Variants in WSCD1 observed in about 807,000 individuals in gnomAD.
WSCD1 encodes the protein WSC domain sialate O sulfotransferase 1.
A neutral mutation model predicts 60.4 loss-of-function variants in WSCD1; 41 were observed. That is an observed-to-expected ratio of 0.68 (90% CI 0.53 to 0.88). The LOEUF (loss-of-function observed/expected upper bound fraction) is 0.88, where lower values mean the gene tolerates loss of function less well. Ranked by LOEUF, WSCD1 falls within the 40% of genes least tolerant of loss-of-function variation. The pLI is 0.00. For missense variants in WSCD1, 784 were observed against 796.2 expected, an observed-to-expected ratio of 0.98 and a Z score of 0.18; for synonymous variants, 361 against 332.5, an observed-to-expected ratio of 1.09 and a Z score of -0.93.
intron 4 of WSCD1, 132 bp downstream of exon 4, chr17:6,090,637 C>T (rs1909973449): frequency 1.6e-6 from 2 of 1,268,404 alleles, no homozygotes; most frequent in South Asian, 1.5e-5. Context: ...TTCCCTATTG[C>T]CATCACTGGA....
intron 4 of WSCD1, among the ~76,000 whole-genome samples, chr17:6,092,853 A>G (rs1910148332): frequency 6.6e-6 from 1 of 152,108 alleles, no homozygotes; most frequent in Admixed American, 6.5e-5. Flanking sequence ...ACTTGCTGTC[A>G]TGGTTAGTGT....
rs1904873795 is a variant in WSCD1 at position 6,124,133 on chromosome 17, A to C, written c.*3472A>C. 6.6e-6 allele frequency: 1 copy of C among 152,236 alleles called. No individual in the cohort carries two copies. The highest frequency in any genetic ancestry group is 2.1e-4 in the South Asian group (1 of 4,832). The allele number at this position is 152,236 out of a possible 1,614,324, so 9.4% of individuals were successfully genotyped here. On this transcript the variant is annotated 3_prime_UTR_variant, in exon 9 of 9. Transcript: ENST00000317744. Reference sequence around the variant, plus strand: ...TATGATCTTGTGAGTTAAGACAATGAAGCCAGAGGGAATTTCAAGACTTAT... The same window carrying C: ...TATGATCTTGTGAGTTAAGACAATGCAGCCAGAGGGAATTTCAAGACTTAT...
chr17:6,120,631 G>T lies in WSCD1; in HGVS notation c.1698G>T (p.Thr566=), dbSNP rs554473306. 2 of 1,612,998 alleles carry T rather than the reference G, an allele frequency of 1.2e-6. No individual in the cohort carries two copies. Among genetic ancestry groups the T allele is most frequent in the African/African-American group, 2.7e-5 (2 of 75,066 alleles). The part of the protein sequence containing the change: ...VDQALRDHNW[T]GLPREYVPR ...AAGCCCTGCGTGACCACAACTGGAC[G>T]GGGCTGCCCAGGGAGTATGTGCCCA... Residue 566 remains threonine (T), a synonymous_variant, in exon 9 of 9, where the codon ACG becomes ACT. Transcript: ENST00000317744.
chr17:6,095,127 C>G lies in WSCD1; in HGVS notation c.753C>G (p.Cys251Trp). 1 of 1,613,488 alleles carries G rather than the reference C, an allele frequency of 6.2e-7. No individual in the cohort carries two copies. The highest frequency in any genetic ancestry group is 8.5e-7 in the Non-Finnish European group (1 of 1,179,724). ...RKRRTATYRG[C>W]FRLPENITHA... Reference sequence around the variant, plus strand: ...GGCGGACCGCCACCTACCGCGGATGCTTCCGACTGCCAGAGAACATCACAC... The same window carrying G: ...GGCGGACCGCCACCTACCGCGGATGGTTCCGACTGCCAGAGAACATCACAC... The change falls in exon 5 of 9, where the codon TGC becomes TGG. Residue 251 changes from cysteine to tryptophan, a missense_variant. By Grantham distance (215) the Cys-to-Trp change is radical. Coordinates refer to ENST00000317744, the MANE Select transcript of WSCD1 (RefSeq NM_015253.2).
chr17:6,081,179 C>A, intron 2 of WSCD1, 94 bp downstream of exon 2: 1 of 1,356,958 alleles, frequency 7.4e-7, no homozygotes, highest in Non-Finnish European at 9.8e-7. Flanking sequence ...AGGCCTGTGG[C>A]CTTCACCGCT....
intron 1 of WSCD1, among the ~76,000 whole-genome samples, chr17:6,076,823 G>A (rs1203265346): frequency 6.6e-6 from 1 of 152,178 alleles, no homozygotes; most frequent in Non-Finnish European, 1.5e-5. Context: ...CTTACCTCGT[G>A]GCTTGGCTGT....
intron 2 of WSCD1, among the ~76,000 whole-genome samples, chr17:6,083,839 C>T (rs1323069445): frequency 6.6e-6 from 1 of 152,056 alleles, no homozygotes; most frequent in Non-Finnish European, 1.5e-5. Context: ...GGGGAGGGCT[C>T]AGCCCTGACT....
chr17:6,074,924 G>A (rs1036852059), intron 1 of WSCD1, among the ~76,000 whole-genome samples: 5 of 152,086 alleles, frequency 3.3e-5, no homozygotes, highest in African/African-American at 7.2e-5. Flanking sequence ...GAAGCCAGGC[G>A]CTATGCCTGA....
intron 4 of WSCD1, among the ~76,000 whole-genome samples, chr17:6,092,667 C>T (rs1201501779): frequency 3.9e-5 from 6 of 152,212 alleles, no homozygotes; most frequent in Non-Finnish European, 7.3e-5. Context: ...TTTCAAACAA[C>T]ATTCCTGCCC....
intron 3 of WSCD1, among the ~76,000 whole-genome samples, chr17:6,089,593 C>G (rs1285908395): frequency 1.3e-5 from 2 of 152,176 alleles, no homozygotes; most frequent in Non-Finnish European, 2.9e-5. Flanking sequence ...CGGCCGCTCA[C>G]CATGGGAAGC....
chr17:6,116,912 G>A (rs372877465), intron 7 of WSCD1, among the ~76,000 whole-genome samples: 1 of 152,158 alleles, frequency 6.6e-6, no homozygotes, highest in African/African-American at 2.4e-5. Context: ...GGCTACATTG[G>A]GTGTGGCCAG....
chr17:6,109,854 G>A, intron 6 of WSCD1, 88 bp downstream of exon 6: 4 of 1,529,980 alleles, frequency 2.6e-6, no homozygotes, highest in South Asian at 1.2e-5. Context: ...TCATGGCCAA[G>A]CATGCAGTTA....
rs1337964386 is a variant in WSCD1 at position 6,123,217 on chromosome 17, C to G, written c.*2556C>G. On this transcript the variant is annotated 3_prime_UTR_variant, in exon 9 of 9. Coordinates refer to ENST00000317744, the MANE Select transcript of WSCD1 (RefSeq NM_015253.2). ...GCATCAGGAACCGGTTAGAACAGAA[C>G]AGAGAAACCCTGACTGTCTACAGAT... 3 of 152,188 alleles carry G rather than the reference C, an allele frequency of 2.0e-5. No homozygotes were observed. The highest frequency in any genetic ancestry group is 3.9e-4 in the East Asian group (2 of 5,182). The allele number at this position is 152,188 out of a possible 1,614,324, so 9.4% of individuals were successfully genotyped here.
At position 6,120,903 on chromosome 17, in the gene WSCD1, C is replaced by T; in HGVS notation, c.*242C>T. ...CCTCCTCAGACACTCAGACACCACT[C>T]CAGGCTCATAGCCCCGTCTTGATGC... On this transcript the variant is annotated 3_prime_UTR_variant, in exon 9 of 9. Transcript: ENST00000317744. 1 of 554,320 alleles carries T rather than the reference C, an allele frequency of 1.8e-6. No individual in the cohort carries two copies. The highest frequency in any genetic ancestry group is 3.3e-5 in the Admixed American group (1 of 30,404). The allele number at this position is 554,320 out of a possible 1,614,324, so 34.3% of individuals were successfully genotyped here. A position where few individuals can be genotyped will look rare whatever the true frequency, so the allele number is the denominator to read the frequency against.
At chr17:6,107,091 G>A (rs974777799) in intron 5 of WSCD1, among the ~76,000 whole-genome samples, 1 of 152,184 alleles carries the variant, frequency 6.6e-6, no homozygotes, top group African/African-American at 2.4e-5. Flanking sequence ...CTCCCCACTT[G>A]GCTTGCAGAT....
intron 5 of WSCD1, among the ~76,000 whole-genome samples, chr17:6,102,883 A>T (rs1910883375): frequency 6.6e-6 from 1 of 152,196 alleles, no homozygotes; most frequent in Non-Finnish European, 1.5e-5. Context: ...CCTTGAAAAT[A>T]AACCTTTGAG....
At chr17:6,119,634 T>C (rs1407611892) in intron 8 of WSCD1, among the ~76,000 whole-genome samples, 5 of 152,100 alleles carry the variant, frequency 3.3e-5, no homozygotes, top group Non-Finnish European at 7.4e-5. Context: ...GGCAGGCTGA[T>C]CTCTGACGCC....
intron 5 of WSCD1, among the ~76,000 whole-genome samples, chr17:6,097,788 A>G (rs892446474): frequency 6.6e-6 from 1 of 152,064 alleles, no homozygotes; most frequent in Non-Finnish European, 1.5e-5. Flanking sequence ...CGAGGATTGT[A>G]TTCATTTTAT....
intron 1 of WSCD1, chr17:6,078,032 A>G (rs1423214022): frequency 2.0e-5 from 3 of 152,270 alleles, no homozygotes; most frequent in Non-Finnish European, 4.4e-5. Flanking sequence ...GTGCCTATGC[A>G]CTGCTCCATC....
Sources: allele counts gnomAD v4.1 joint callset (sites outside exome capture counted in the v4.1 genomes callset), GRCh38; gene constraint gnomAD v4.1.1; transcripts MANE v1.5; gene names NCBI Gene and HGNC (gene_info 2026-07-23, HGNC 2026-07-21).